KRT27: variants seen among roughly 807,000 people sequenced by gnomAD.
KRT27 encodes keratin, type I cytoskeletal 27.
Under a neutral mutation model 45.3 loss-of-function variants are expected in KRT27, and 30 were observed. The ratio of observed to expected loss-of-function variants is 0.66; its 90% CI spans 0.50 to 0.90. KRT27 has a LOEUF of 0.90. Ranked by LOEUF, KRT27 falls within the 40% of genes least tolerant of loss-of-function variation. KRT27 has a pLI of 0.00. For synonymous variants in KRT27, 204 were observed against 223.9 expected (o/e 0.91, Z 0.79); for missense variants, 610 against 564.3 (o/e 1.08, Z -0.82).
chr17:40,781,798 A>G (rs117214172), intron 1 of KRT27, among the ~76,000 whole-genome samples: 2,413 of 152,286 alleles, frequency 0.016, 52 homozygotes, highest in Non-Finnish European at 0.019. Flanking sequence ...GCCTATAAAT[A>G]TATAACTGGA....
rs747195245 is a variant in KRT27 at position 40,780,296 on chromosome 17, C to T, written c.684+4G>A. On this transcript the variant is annotated splice_donor_region_variant and intron_variant, in intron 3 of 7. Transcript: ENST00000301656. ...TGTGAGAGCCAGCCGGGTGGAGCTT[C>T]TACCTCCTCATGATTCTTCTTGAGG... 2.5e-5 allele frequency: 40 copies of T among 1,599,518 alleles called. No homozygotes were observed. The highest frequency in any genetic ancestry group is 3.2e-5 in the Non-Finnish European group (38 of 1,173,756).
At position 40,782,283 on chromosome 17, in the gene KRT27, C is replaced by CTGCTTT. The variant is rs1177460913; in HGVS notation, c.210_211insAAAGCA (p.Ala70_Ala71insLysAla). On this transcript the variant is annotated inframe_insertion, in exon 1 of 8. Coordinates refer to ENST00000301656, the MANE Select transcript of KRT27 (RefSeq NM_181537.4). ...AGGCCGTGCTCATTCCCTGTGAAGG[C>CTGCTTT]AGCACAGGAAGCACTTCCCCCGCCC... is the stretch of plus-strand genomic sequence containing the variant. 1 of 1,614,218 alleles carries CTGCTTT rather than the reference C, an allele frequency of 6.2e-7. No individual in the cohort carries two copies.
In KRT27 at chr17:40,776,812, T is replaced by C; in HGVS notation, c.*187A>G. 2.0e-6 allele frequency: 1 copy of C among 489,176 alleles called. No homozygotes were observed. The highest frequency in any genetic ancestry group is 5.4e-4 in the Middle Eastern group (1 of 1,842). 30.3% of individuals were successfully genotyped at this position (489,176 alleles called of 1,614,324 possible). ...ATTGGCCAGAACCAGGGAAGATGAC[T>C]TGCAACAGGAAGAACTTTTATTGAA... On this transcript the variant is annotated 3_prime_UTR_variant, in exon 8 of 8. Transcript: ENST00000301656.
Position 40,779,588 on chromosome 17 carries a change from C to T in KRT27, c.886G>A (p.Ala296Thr), listed in dbSNP as rs201015246. ...AGCTCATTCCGGGCTGAGGTGGTGG[C>T]GCCAGCGTCGTCAGAGATCTGCTGC... ...LQQQISDDAG[A>T]TTSARNELIE... The change falls in exon 5 of 8, where the codon GCC becomes ACC. Residue 296 changes from alanine (A) to threonine (T), a missense_variant. Coordinates refer to ENST00000301656, the MANE Select transcript of KRT27 (RefSeq NM_181537.4). 1.9e-6 allele frequency: 3 copies of T among 1,614,194 alleles called. No homozygotes were observed. The highest frequency in any genetic ancestry group is 2.2e-5 in the East Asian group (1 of 44,878).
At position 40,779,591 on chromosome 17, in the gene KRT27, C is replaced by A. The variant is rs1567680286; in HGVS notation, c.883G>T (p.Gly295Cys). 25 of 1,614,202 alleles carry A rather than the reference C, an allele frequency of 1.5e-5. No individual in the cohort carries two copies. The highest frequency in any genetic ancestry group is 1.9e-5 in the Non-Finnish European group (22 of 1,180,000). ...TCATTCCGGGCTGAGGTGGTGGCGCCAGCGTCGTCAGAGATCTGCTGCTGC... is the reference window on the plus strand; with the variant it reads ...TCATTCCGGGCTGAGGTGGTGGCGCAAGCGTCGTCAGAGATCTGCTGCTGC... ...SLQQQISDDAGATTSARNELI... is the reference protein window; with the variant it reads ...SLQQQISDDACATTSARNELI... The change falls in exon 5 of 8, where the codon GGC becomes TGC. Residue 295 changes from glycine (G) to cysteine (C), a missense_variant. Coordinates refer to ENST00000301656, the MANE Select transcript of KRT27 (RefSeq NM_181537.4).
intron 6 of KRT27, 98 bp from the exon 7 acceptor site, chr17:40,777,400 C>T (rs945215909): frequency 3.3e-6 from 5 of 1,520,344 alleles, no homozygotes; most frequent in Non-Finnish European, 4.5e-6. Context: ...TCTGAAATAA[C>T]ACTAAAAGAG....
Position 40,777,881 on chromosome 17 carries a change from T to C in KRT27, c.973-149A>G, listed in dbSNP as rs2038278932. ...GATTCCACTTCTTCAATATTAATTGTTGCCTTTATTAAATGTCCTACTACT... is the reference window on the plus strand; with the variant it reads ...GATTCCACTTCTTCAATATTAATTGCTGCCTTTATTAAATGTCCTACTACT... On this transcript the variant is annotated intron_variant, in intron 5 of 7. Transcript: ENST00000301656. The C allele has an allele frequency of 2.0e-5, 16 of 805,050 alleles. No individual in the cohort carries two copies. The South Asian group carries it at 2.6e-4, about 13-fold the overall frequency. The allele number at this position is 805,050 out of a possible 1,614,324, so 49.9% of individuals were successfully genotyped here.
intron 1 of KRT27, among the ~76,000 whole-genome samples, 153 bp downstream of exon 1, chr17:40,781,887 ATATTAGAATT>A (rs71827328): frequency 0.32 from 49,327 of 151,928 alleles, 9,916 homozygotes; most frequent in East Asian, 0.64. Flanking sequence ...CCATGTTCAA[ATATTAGAATT>A]TATTAGAAAT....
intron 4 of KRT27, 23 bp downstream of exon 4, chr17:40,779,677 G>A (rs369640117): frequency 5.0e-6 from 8 of 1,613,370 alleles, no homozygotes; most frequent in Non-Finnish European, 6.8e-6. Flanking sequence ...TCCGCGCCCG[G>A]GCGCACCCAA....
intron 1 of KRT27, 98 bp downstream of exon 1, chr17:40,781,952 G>T: frequency 9.7e-7 from 1 of 1,034,374 alleles, no homozygotes; most frequent in Non-Finnish European, 1.4e-6. Context: ...AGAAGCTGAG[G>T]GCAAAGCCCT....
rs751286494 is a variant in KRT27 at position 40,779,836 on chromosome 17, G to A, written c.710C>T (p.Ala237Val). 9.3e-6 allele frequency: 15 copies of A among 1,612,220 alleles called. No homozygotes were observed. Among genetic ancestry groups the A allele is most frequent in the Non-Finnish European group, 1.2e-5 (14 of 1,179,528 alleles). The change falls in exon 4 of 8, where the codon GCT becomes GTT. Residue 237 changes from alanine (A) to valine (V), a missense_variant. By Grantham distance (64) the Ala-to-Val change is moderately conservative. Transcript: ENST00000301656. ...CATCTCCACGTTCACGTTGCCTCCAGCCGCGCACTGAAGAGCTTTCATTTC... is the reference window on the plus strand; with the variant it reads ...CATCTCCACGTTCACGTTGCCTCCAACCGCGCACTGAAGAGCTTTCATTTC... ...EEEMKALQCAAGGNVNVEMNA... is the reference protein window; with the variant it reads ...EEEMKALQCAVGGNVNVEMNA...
At position 40,779,981 on chromosome 17, in the gene KRT27, A is replaced by G. The variant is rs1200371763; in HGVS notation, c.685-120T>C. ...CAGTGGTGCAATTATGACTCACTGC[A>G]GCCTCGAAATCCTGGCCTCAAGCGA... On this transcript the variant is annotated intron_variant, in intron 3 of 7. Coordinates refer to ENST00000301656, the MANE Select transcript of KRT27 (RefSeq NM_181537.4). The G allele has an allele frequency of 4.1e-6, 5 of 1,206,864 alleles. No individual in the cohort carries two copies. In the East Asian group the frequency reaches 1.0e-4, roughly 25 times the overall value. The allele number at this position is 1,206,864 out of a possible 1,614,324, so 74.8% of individuals were successfully genotyped here.
In KRT27 at chr17:40,777,567, GGAC is replaced by G. The variant is rs1567679112; in HGVS notation, c.1135_1137del (p.Val379del). ...TAGGTCTCAATTTCTTTTTCCAGGT[GGAC>G]CTTGATGTCAAGGAGCTGCTCATAC... is the stretch of plus-strand genomic sequence containing the variant. On this transcript the variant is annotated inframe_deletion, in exon 6 of 8. Coordinates refer to ENST00000301656, the MANE Select transcript of KRT27 (RefSeq NM_181537.4). The G allele has an allele frequency of 6.2e-7, 1 of 1,613,914 alleles. No homozygotes were observed. Among genetic ancestry groups the G allele is most frequent in the Middle Eastern group, 1.7e-4 (1 of 6,056 alleles).
rs2038277918 is a variant in KRT27, at chr17:40,777,726, A to AGTG, written c.976_978dup (p.His326dup). On this transcript the variant is annotated inframe_insertion, in exon 6 of 8. Coordinates refer to ENST00000301656, the MANE Select transcript of KRT27 (RefSeq NM_181537.4). ...GTCTCTGTCAAGGAGCACTCCAGGGAGTGTTTCTGTAGTTTGGTAAGACAT... is the reference window on the plus strand; with the variant it reads ...GTCTCTGTCAAGGAGCACTCCAGGGAGTGGTGTTTCTGTAGTTTGGTAAGACAT... 6.2e-7 allele frequency: 1 copy of AGTG among 1,614,062 alleles called. No homozygotes were observed. The highest frequency in any genetic ancestry group is 8.5e-7 in the Non-Finnish European group (1 of 1,179,994).
Position 40,779,619 on chromosome 17 carries a change from C to A in KRT27, c.855G>T (p.Ser285=). The A allele has an allele frequency of 6.2e-7, 1 of 1,614,190 alleles. No homozygotes were observed. The highest frequency in any genetic ancestry group is 8.5e-7 in the Non-Finnish European group (1 of 1,180,018). ...AEAWFNEKSA[S]LQQQISDDAG... is the part of the protein sequence containing the mutation. ...CGTCGTCAGAGATCTGCTGCTGCAG[C>A]GAGGCGCTCTGGAACGGCAGGGGCC... Residue 285 remains serine, a synonymous_variant, in exon 5 of 8, where the codon TCG becomes TCT. Coordinates refer to ENST00000301656, the MANE Select transcript of KRT27 (RefSeq NM_181537.4).
intron 2 of KRT27, among the ~76,000 whole-genome samples, chr17:40,780,987 A>G (rs933604439): frequency 2.0e-5 from 3 of 152,208 alleles, no homozygotes; most frequent in Non-Finnish European, 4.4e-5. Flanking sequence ...TGACTTTGAC[A>G]CTCGTTTTTG....
intron 6 of KRT27, 70 bp from the exon 7 acceptor site, chr17:40,777,372 G>A: frequency 1.3e-6 from 2 of 1,555,856 alleles, no homozygotes; most frequent in Non-Finnish European, 1.8e-6. Context: ...AATGATTTAA[G>A]GTGGGAATTC....
In KRT27 at chr17:40,777,522, C is replaced by T. The variant is rs2144157018; in HGVS notation, c.1183G>A (p.Glu395Lys). The T allele has an allele frequency of 6.2e-7, 1 of 1,613,928 alleles. No individual in the cohort carries two copies. Among genetic ancestry groups the T allele is most frequent in the Non-Finnish European group, 8.5e-7 (1 of 1,179,812 alleles). ...AATGGCGGCAATACTGACCCATCTT[C>T]TCCATCTATCAGGAGGCAGTAGGTC... The part of the protein sequence containing the change: ...IETYCLLIDG[E>K]DGSCSKSKGY... Residue 395 changes from glutamate to lysine, a missense_variant, in exon 6 of 8, where the codon GAA (glutamate) becomes AAA (lysine). Glu to Lys is a moderately conservative substitution (Grantham distance 56). Transcript: ENST00000301656.
rs774984775 is a variant in KRT27, at chr17:40,779,823, C to G, written c.723G>C (p.Val241=). 7.4e-6 allele frequency: 12 copies of G among 1,613,910 alleles called. No individual in the cohort carries two copies. The South Asian group carries it at 1.3e-4, about 18-fold the overall frequency. Residue 241 remains valine (V), a synonymous_variant, in exon 4 of 8, where the codon GTG becomes GTC. Transcript: ENST00000301656. ...CGGGGGCCGCGTTCATCTCCACGTT[C>G]ACGTTGCCTCCAGCCGCGCACTGAA... The part of the protein sequence containing the change: ...KALQCAAGGN[V]NVEMNAAPGV...
Sources: allele counts gnomAD v4.1 joint callset (sites outside exome capture counted in the v4.1 genomes callset), GRCh38; gene constraint gnomAD v4.1.1; transcripts MANE v1.5; gene names NCBI Gene and HGNC (gene_info 2026-07-23, HGNC 2026-07-21).